The following CD34 variants were observed in gnomAD, a reference collection of about 807,000 sequenced individuals.
CD34 encodes the protein hematopoietic progenitor cell antigen CD34.
In CD34, 34 loss-of-function variants were observed where a neutral mutation model predicts 40.1. The ratio of observed to expected loss-of-function variants is 0.85; its 90% CI spans 0.65 to 1.13. The LOEUF is 1.13. Among genes scored for constraint, CD34 ranks in the 50% most tolerant of loss-of-function variants. CD34 has a pLI of 0.00. For missense variants in CD34, 426 were observed against 466.9 expected (o/e 0.91, Z 0.81); for synonymous variants, 209 against 190.0 (o/e 1.10, Z -0.82).
At chr1:207,899,691 C>T (rs941645682) in intron 2 of CD34, 130 bp downstream of exon 2, 2 of 806,050 alleles carry the variant, frequency 2.5e-6, no homozygotes, top group Non-Finnish European at 4.0e-6. Context: ...AAGCATGATA[C>T]TCAAGTCATT....
intron 1 of CD34, among the ~76,000 whole-genome samples, chr1:207,904,537 A>G (rs749179421): frequency 2.0e-5 from 3 of 152,202 alleles, no homozygotes; most frequent in Non-Finnish European, 4.4e-5. Flanking sequence ...CACCTGTAAA[A>G]CAGAGATAAA....
intron 4 of CD34, among the ~76,000 whole-genome samples, chr1:207,896,363 G>A (rs1662149605): frequency 6.6e-6 from 1 of 152,196 alleles, no homozygotes; most frequent in Admixed American, 6.5e-5. Context: ...TCTTTCCAAT[G>A]CAGTAAGACA....
At chr1:207,889,800 G>GA (rs772029856) in intron 4 of CD34, 179 bp from the exon 5 acceptor site, 3 of 1,571,290 alleles carry the variant, frequency 1.9e-6, no homozygotes, top group Non-Finnish European at 2.6e-6. Context: ...AACACAATAA[G>GA]AAAAAAACCT....
intron 4 of CD34, among the ~76,000 whole-genome samples, chr1:207,892,579 C>T (rs1014549464): frequency 6.6e-6 from 1 of 150,946 alleles, no homozygotes; most frequent in Non-Finnish European, 1.5e-5. Context: ...GAGCAAGACT[C>T]TGTCTCAAAA....
At chr1:207,900,762 T>C (rs1261191209) in intron 1 of CD34, among the ~76,000 whole-genome samples, 1 of 152,224 alleles carries the variant, frequency 6.6e-6, no homozygotes, top group Non-Finnish European at 1.5e-5. Context: ...ACAAGCTTTG[T>C]TCTGGCTCTT....
At chr1:207,888,444 C>A (rs78056063) in intron 7 of CD34, among the ~76,000 whole-genome samples, 2 of 152,186 alleles carry the variant, frequency 1.3e-5, no homozygotes, top group African/African-American at 4.8e-5. Context: ...ATAGATGACA[C>A]GAATCATCTG....
rs60024563 is a variant in CD34, at chr1:207,898,031, TTTTATTTATTTA to T, written c.517-470_517-459del. 1.2e-3 allele frequency among the ~76,000 whole-genome samples: 178 copies of T among 143,450 alleles called. 1 individual carries two copies. The highest frequency in any genetic ancestry group is 1.8e-3 in the South Asian group (8 of 4,430). The allele number at this position is 143,450 out of a possible 152,430, so 94.1% of individuals were successfully genotyped here. ...ACTCTCCAAATTCCCATTTTGGCTC[TTTTATTTATTTA>T]TTTATTTATTTATTTATTTATTTAT... On this transcript the variant is annotated intron_variant, in intron 3 of 7. Coordinates refer to ENST00000310833, the MANE Select transcript of CD34 (RefSeq NM_001025109.2).
intron 4 of CD34, chr1:207,890,462 T>C (rs1196415125): frequency 1.3e-5 from 2 of 154,218 alleles, no homozygotes; most frequent in African/African-American, 4.8e-5. Context: ...ACTGCTGGGG[T>C]GTGTGACCAT....
Position 207,884,964 on chromosome 1 carries a change from T to A in CD34, c.*2774A>T, listed in dbSNP as rs889115521. 1 of 151,834 alleles carries A rather than the reference T, an allele frequency of 6.6e-6. No homozygotes were observed. The highest frequency in any genetic ancestry group is 2.4e-5 in the African/African-American group (1 of 41,290). 9.4% of individuals were successfully genotyped at this position (151,834 alleles called of 1,614,324 possible). A position where few individuals can be genotyped will look rare whatever the true frequency, so the allele number is the denominator to read the frequency against. On this transcript the variant is annotated 3_prime_UTR_variant, in exon 8 of 8. Transcript: ENST00000310833. Reference sequence around the variant, plus strand: ...TAACACGGAGGACTCGGCAGAAGAGTAGGATGATATGATGGAAGGGAAAAC... The same window carrying A: ...TAACACGGAGGACTCGGCAGAAGAGAAGGATGATATGATGGAAGGGAAAAC...
In CD34 at chr1:207,889,242, C is replaced by A. The variant is rs759420304; in HGVS notation, c.755-29G>T. On this transcript the variant is annotated intron_variant, in intron 5 of 7. Transcript: ENST00000310833. ...GAATTAGAAACAAGGGTTGCTAAATCTAAAGAGAAACCAGCTTATCCTGCT... is the reference window on the plus strand; with the variant it reads ...GAATTAGAAACAAGGGTTGCTAAATATAAAGAGAAACCAGCTTATCCTGCT... The A allele has an allele frequency of 1.9e-6, 3 of 1,613,980 alleles. No homozygotes were observed. In the South Asian group the frequency reaches 3.3e-5, roughly 18 times the overall value.
chr1:207,889,861 G>C (rs763109385), intron 4 of CD34: 1 of 1,561,616 alleles, frequency 6.4e-7, no homozygotes, highest in Non-Finnish European at 8.6e-7. Flanking sequence ...TAAGATGTTA[G>C]AGAACAAACT....
Position 207,887,862 on chromosome 1 carries a change from G to A in CD34, c.1034C>T (p.Thr345Ile), listed in dbSNP as rs763160846. 37 of 1,614,064 alleles carry A rather than the reference G, an allele frequency of 2.3e-5. No individual in the cohort carries two copies. In the South Asian group the frequency reaches 3.5e-4, roughly 15 times the overall value. The change falls in exon 8 of 8, where the codon ACC becomes ATC. Residue 345 changes from threonine (T) to isoleucine (I), a missense_variant. Transcript: ENST00000310833. ...GGCCTTTCCCTGAGCCTCAGGGGAG[G>A]TCCCAGGTCCTGAGCTATAGCCCTG... ...GGQGYSSGPG[T>I]SPEAQGKASV...
chr1:207,897,371 A>T, intron 4 of CD34, 122 bp downstream of exon 4: 1 of 703,356 alleles, frequency 1.4e-6, no homozygotes, highest in East Asian at 2.7e-5. Flanking sequence ...AGGCTGACCA[A>T]GCTAAACTCC....
In CD34 at chr1:207,909,916, G is replaced by T. The variant is rs111556503; in HGVS notation, c.79+1086C>A. On this transcript the variant is annotated intron_variant, in intron 1 of 7. Coordinates refer to ENST00000310833, the MANE Select transcript of CD34 (RefSeq NM_001025109.2). ...AACAGAGGAGACTGGGAACAAAGAG[G>T]TCTAGTCCAGGTCACTCTGCAGGGC... Among the ~76,000 whole-genome samples, 255 of 152,348 alleles carry T rather than the reference G, an allele frequency of 1.7e-3. 1 individual carries two copies. The highest frequency in any genetic ancestry group is 2.1e-3 in the Non-Finnish European group (140 of 68,032).
At chr1:207,910,046 C>T (rs1558124891) in intron 1 of CD34, among the ~76,000 whole-genome samples, 1 of 152,212 alleles carries the variant, frequency 6.6e-6, no homozygotes, top group Non-Finnish European at 1.5e-5. Flanking sequence ...AGTTTCAAAC[C>T]TTCCAAGTGC....
At chr1:207,893,762 C>T (rs1187931544) in intron 4 of CD34, among the ~76,000 whole-genome samples, 1 of 152,182 alleles carries the variant, frequency 6.6e-6, no homozygotes, top group South Asian at 2.1e-4. Context: ...GGACAAAGGA[C>T]TTGACTAGAC....
intron 4 of CD34, among the ~76,000 whole-genome samples, chr1:207,895,570 C>A (rs1369292773): frequency 6.6e-6 from 1 of 152,158 alleles, no homozygotes; most frequent in Non-Finnish European, 1.5e-5. Context: ...ACGAAGTAGG[C>A]CAGACAGCAA....
intron 1 of CD34, among the ~76,000 whole-genome samples, chr1:207,906,369 C>T (rs899122637): frequency 6.6e-6 from 1 of 152,118 alleles, no homozygotes; most frequent in Admixed American, 6.5e-5. Flanking sequence ...AGGAGGCATC[C>T]GTGTTAGGGG....
At chr1:207,897,150 T>C (rs1018876761) in intron 4 of CD34, among the ~76,000 whole-genome samples, 2 of 152,068 alleles carry the variant, frequency 1.3e-5, no homozygotes, top group African/African-American at 2.4e-5. Context: ...AAGGACTTTC[T>C]TAACCAAAAA....
Sources: gnomAD v4.1 joint callset for allele counts (sites outside exome capture counted in the v4.1 genomes callset) on GRCh38, gnomAD v4.1.1 for gene constraint, MANE v1.5 for transcripts, NCBI Gene and HGNC (gene_info 2026-07-23, HGNC 2026-07-21) for gene names.